Variants in SPECC1L observed in about 807,000 individuals in gnomAD.
SPECC1L encodes the protein cytospin-A.
A neutral mutation model predicts 116.8 loss-of-function variants in SPECC1L; 40 were observed. The observed-to-expected ratio is 0.34, with a 90% CI of 0.27 to 0.45. The LOEUF (loss-of-function observed/expected upper bound fraction) is 0.45, where lower values mean the gene tolerates loss of function less well. Ranked by LOEUF, SPECC1L falls within the 20% of genes least tolerant of loss-of-function variation. The pLI, the probability that SPECC1L is intolerant of heterozygous loss-of-function variation, is 1.00. For missense variants in SPECC1L, 1,110 were observed against 1,373.6 expected, an observed-to-expected ratio of 0.81 and a Z score of 3.03; for synonymous variants, 504 against 500.6, an observed-to-expected ratio of 1.01 and a Z score of -0.09.
intron 12 of SPECC1L, among the ~76,000 whole-genome samples, chr22:24,363,994 T>C (rs1006955260): frequency 6.6e-6 from 1 of 152,094 alleles, no homozygotes; most frequent in African/African-American, 2.4e-5. Context: ...ACATGTAACA[T>C]GGATTGCATT....
intron 9 of SPECC1L, among the ~76,000 whole-genome samples, chr22:24,336,584 G>C (rs985205080): frequency 2.0e-5 from 3 of 152,028 alleles, no homozygotes; most frequent in Admixed American, 2.0e-4. Flanking sequence ...TGTCTCTAAA[G>C]AATAAAATAT....
chr22:24,364,464 A>AC (rs1297991913), intron 12 of SPECC1L, among the ~76,000 whole-genome samples: 2 of 151,930 alleles, frequency 1.3e-5, no homozygotes, highest in Non-Finnish European at 2.9e-5. Flanking sequence ...GGAGTTCGAG[A>AC]CCAGCCTGGC....
chr22:24,374,064 A>G (rs945121494), intron 14 of SPECC1L, among the ~76,000 whole-genome samples: 1 of 152,124 alleles, frequency 6.6e-6, no homozygotes, highest in Non-Finnish European at 1.5e-5. Flanking sequence ...AATCAAAACC[A>G]CAATGAGATA....
chr22:24,310,651 C>T (rs1191651352), intron 3 of SPECC1L, among the ~76,000 whole-genome samples: 2 of 151,856 alleles, frequency 1.3e-5, no homozygotes, highest in Non-Finnish European at 2.9e-5. Context: ...TCATTTTGTT[C>T]ATTTTTCTGT....
At chr22:24,363,817 C>T (rs1383469170) in intron 12 of SPECC1L, among the ~76,000 whole-genome samples, 1 of 150,752 alleles carries the variant, frequency 6.6e-6, no homozygotes. Flanking sequence ...ATATTTGTGC[C>T]CTCTGGATCT....
At position 24,411,647 on chromosome 22, in the gene SPECC1L, C is replaced by T. The variant is rs2042700349; in HGVS notation, c.3147C>T (p.Leu1049=). The change falls in exon 15 of 17, where the codon CTC becomes CTT. Residue 1049 remains leucine (L), a synonymous_variant. Coordinates refer to ENST00000314328, the MANE Select transcript of SPECC1L (RefSeq NM_015330.6). ...ATGATGGGCTGGCCTTCTGTGCCCT[C>T]CTGCATACATATCTCCCTGCCCACA... ...SWNDGLAFCA[L]LHTYLPAHIP... is the part of the protein sequence containing the mutation. 2 of 1,614,152 alleles carry T rather than the reference C, an allele frequency of 1.2e-6. No individual in the cohort carries two copies. The highest frequency in any genetic ancestry group is 2.2e-5 in the East Asian group (1 of 44,886).
At chr22:24,361,268 T>C (rs1489346089) in intron 11 of SPECC1L, among the ~76,000 whole-genome samples, 6 of 152,150 alleles carry the variant, frequency 3.9e-5, no homozygotes, top group African/African-American at 1.4e-4. Flanking sequence ...TGCATACCTA[T>C]AGTCCCAGCC....
chr22:24,299,555 A>G (rs1372605286), intron 2 of SPECC1L, among the ~76,000 whole-genome samples: 1 of 152,110 alleles, frequency 6.6e-6, no homozygotes, highest in Non-Finnish European at 1.5e-5. Flanking sequence ...TAAAGGTTTG[A>G]CTGTGTTTCT....
chr22:24,348,768 G>C (rs1312894392), intron 11 of SPECC1L, among the ~76,000 whole-genome samples: 1 of 152,068 alleles, frequency 6.6e-6, no homozygotes, highest in Non-Finnish European at 1.5e-5. Context: ...AACCTTTTTG[G>C]TGCTGTCTCC....
At chr22:24,313,819 A>G (rs1192288232) in intron 4 of SPECC1L, among the ~76,000 whole-genome samples, 2 of 151,394 alleles carry the variant, frequency 1.3e-5, no homozygotes, top group Non-Finnish European at 2.9e-5. Flanking sequence ...GCTCACCACA[A>G]CCTTCGCCTC....
At chr22:24,407,917 A>G (rs1407074663) in intron 14 of SPECC1L, among the ~76,000 whole-genome samples, 1 of 152,204 alleles carries the variant, frequency 6.6e-6, no homozygotes, top group African/African-American at 2.4e-5. Flanking sequence ...ACAGGGCATT[A>G]GGAAATCTTA....
chr22:24,335,528 A>C (rs566973055), intron 9 of SPECC1L, among the ~76,000 whole-genome samples: 66 of 152,338 alleles, frequency 4.3e-4, no homozygotes, highest in Non-Finnish European at 7.9e-4. Flanking sequence ...AGCTCTGGGA[A>C]AGGAAAAGGG....
intron 3 of SPECC1L, among the ~76,000 whole-genome samples, chr22:24,309,143 A>G (rs573399154): frequency 6.6e-6 from 1 of 152,248 alleles, no homozygotes; most frequent in Admixed American, 6.5e-5. Context: ...TGGGACACAC[A>G]CACACACACG....
At chr22:24,330,526 T>C in intron 8 of SPECC1L, 95 bp downstream of exon 8, 1 of 1,343,420 alleles carries the variant, frequency 7.4e-7, no homozygotes, top group Non-Finnish European at 1.1e-6. Flanking sequence ...ATGTGGAGTT[T>C]GATACTTACT....
chr22:24,272,396 A>C (rs2048745872), intron 1 of SPECC1L, among the ~76,000 whole-genome samples: 1 of 140,056 alleles, frequency 7.1e-6, no homozygotes, highest in African/African-American at 2.7e-5. Context: ...AACAAGGCCG[A>C]GCTCCCTGGC....
chr22:24,326,204 T>G (rs1000072994), intron 6 of SPECC1L, among the ~76,000 whole-genome samples: 6 of 152,216 alleles, frequency 3.9e-5, no homozygotes, highest in Admixed American at 3.9e-4. Flanking sequence ...CAGCAGATAT[T>G]ACAGGCCTGT....
intron 14 of SPECC1L, among the ~76,000 whole-genome samples, chr22:24,373,802 G>A (rs2146665578): frequency 6.6e-6 from 1 of 152,220 alleles, no homozygotes; most frequent in Admixed American, 6.5e-5. Context: ...AAGAGCTTCT[G>A]CACAGCAAAA....
chr22:24,316,954 A>C (rs1346010390), intron 4 of SPECC1L, among the ~76,000 whole-genome samples: 5 of 103,318 alleles, frequency 4.8e-5, no homozygotes, highest in Non-Finnish European at 1.0e-4. Flanking sequence ...GGCCGGGCCG[A>C]GGAGCTCCTC....
chr22:24,280,383 A>G (rs565498510), intron 2 of SPECC1L, among the ~76,000 whole-genome samples: 31 of 151,424 alleles, frequency 2.0e-4, no homozygotes, highest in African/African-American at 7.0e-4. Flanking sequence ...GGGTGAGGCA[A>G]TTAGTTAGCT....
Sources: allele counts gnomAD v4.1 joint callset (sites outside exome capture counted in the v4.1 genomes callset), GRCh38; gene constraint gnomAD v4.1.1; transcripts MANE v1.5; gene names NCBI Gene and HGNC (gene_info 2026-07-23, HGNC 2026-07-21).